Variants in ZNF726 observed in about 807,000 individuals in gnomAD.
ZNF726 encodes the protein zinc finger protein 92 pseudogene 3.
A neutral mutation model predicts 11.6 loss-of-function variants in ZNF726; 15 were observed. The observed-to-expected ratio is 1.29, with a 90% CI of 0.86 to 1.99. The LOEUF is 1.99. Among genes scored for constraint, ZNF726 ranks in the 30% most tolerant of loss-of-function variants. The pLI is 0.00. For missense variants in ZNF726, 890 were observed against 725.6 expected, an observed-to-expected ratio of 1.23 and a Z score of -2.60; for synonymous variants, 295 against 243.6, an observed-to-expected ratio of 1.21 and a Z score of -1.96.
intron 3 of ZNF726, among the ~76,000 whole-genome samples, chr19:23,940,838 T>C (rs1313884996): frequency 6.6e-6 from 1 of 152,210 alleles, no homozygotes; most frequent in Admixed American, 6.5e-5. Flanking sequence ...ACGTTAATCT[T>C]GTATCCAGAA....
Position 23,933,284 on chromosome 19 carries a change from AT to A in ZNF726, c.1170del (p.His391ThrfsTer27). On this transcript the variant is annotated frameshift_variant, in exon 4 of 4. Coordinates refer to ENST00000594466, the MANE Select transcript of ZNF726 (RefSeq NM_001244038.2). LOFTEE classifies it low-confidence loss of function (END_TRUNC). ...CTCAACCCTAACTAAACATAAGAGG[AT>A]TCACACTGGAGAGAAACCCTACAAA... ...WPSTLTKHKRIHTGEKPYKCE... is the reference protein window; with the variant it reads ...WPSTLTKHKRXHTGEKPYKCE... The A allele has an allele frequency of 3.7e-6, 6 of 1,612,118 alleles. No homozygotes were observed. The South Asian group carries it at 4.4e-5, about 12-fold the overall frequency.
chr19:23,927,743 A>G (rs1393030422), intron 3 of ZNF726: 1 of 152,160 alleles, frequency 6.6e-6, no homozygotes, highest in African/African-American at 2.4e-5. Context: ...TGGTCTCTCT[A>G]AGTGTTGGGA....
intron 3 of ZNF726, among the ~76,000 whole-genome samples, chr19:23,931,787 C>T (rs1344739505): frequency 6.6e-6 from 1 of 152,128 alleles, no homozygotes; most frequent in Non-Finnish European, 1.5e-5. Flanking sequence ...TCACTTGCTA[C>T]ACCTGTTCCT....
At chr19:23,939,918 A>C (rs535826699) in intron 3 of ZNF726, among the ~76,000 whole-genome samples, 2 of 116,708 alleles carry the variant, frequency 1.7e-5, no homozygotes, top group Non-Finnish European at 3.3e-5. Context: ...TAGATTCTGG[A>C]TATTAGTCCT....
intron 4 of ZNF726, chr19:23,944,696 AAAT>A (rs1430796244): frequency 4.9e-6 from 1 of 202,738 alleles, no homozygotes; most frequent in Non-Finnish European, 9.6e-6. Flanking sequence ...ATAATATAAT[AAAT>A]AATAATACAA....
intron 3 of ZNF726, among the ~76,000 whole-genome samples, chr19:23,931,147 T>C (rs1241993140): frequency 6.6e-6 from 1 of 152,112 alleles, no homozygotes; most frequent in East Asian, 1.9e-4. Flanking sequence ...ACTTTTTGTA[T>C]TGTTTTAGTA....
At chr19:23,934,880 T>C (rs1365228732), downstream of ZNF726, among the ~76,000 whole-genome samples, 1 of 152,250 alleles carries the variant, frequency 6.6e-6, no homozygotes, top group Non-Finnish European at 1.5e-5. Context: ...GCTTCCTTCC[T>C]TCTGGCAGGG....
At chr19:23,937,452 C>T (rs1474356494), downstream of ZNF726, among the ~76,000 whole-genome samples, 4 of 151,916 alleles carry the variant, frequency 2.6e-5, no homozygotes, top group Admixed American at 6.5e-5. Flanking sequence ...GGCAGAGGGG[C>T]TCCTCACTTC....
intron 1 of ZNF726, chr19:23,919,166 G>A: frequency 6.0e-6 from 4 of 668,772 alleles, no homozygotes; most frequent in Non-Finnish European, 9.1e-6. Flanking sequence ...ATACACTGAT[G>A]TTCTGGATAT....
chr19:23,932,503 T>A lies in ZNF726; in HGVS notation c.387T>A (p.Gly129=). The change falls in exon 4 of 4, where the codon GGT becomes GGA. Residue 129 remains glycine, a synonymous_variant. Coordinates refer to ENST00000594466, the MANE Select transcript of ZNF726 (RefSeq NM_001244038.2). ...ATGAGTGTAAGGTACACAAAGAAGG[T>A]TATAATGGACTTAACCAGTGTTTCA... The part of the protein sequence containing the change: ...SVDECKVHKE[G]YNGLNQCFTT... 1 of 1,587,234 alleles carries A rather than the reference T, an allele frequency of 6.3e-7. No individual in the cohort carries two copies. The highest frequency in any genetic ancestry group is 8.5e-7 in the Non-Finnish European group (1 of 1,171,520).
chr19:23,938,849 C>T (rs1968291316), downstream of ZNF726, among the ~76,000 whole-genome samples: 1 of 152,058 alleles, frequency 6.6e-6, no homozygotes, highest in Admixed American at 6.6e-5. Flanking sequence ...TAAGGTGATC[C>T]ACCCACATCA....
chr19:23,934,121 A>G lies in ZNF726; in HGVS notation c.*154A>G. The G allele has an allele frequency of 1.9e-6, 2 of 1,051,598 alleles. No individual in the cohort carries two copies. The highest frequency in any genetic ancestry group is 2.6e-5 in the South Asian group (2 of 76,016). The allele number at this position is 1,051,598 out of a possible 1,614,324, so 65.1% of individuals were successfully genotyped here. A position where few individuals can be genotyped will look rare whatever the true frequency, so the allele number is the denominator to read the frequency against. ...AATCTTACTAAACATTAGATAATTC[A>G]CACTGGAGAGAAACCTTACAAGTGT... On this transcript the variant is annotated 3_prime_UTR_variant, in exon 4 of 4. Coordinates refer to ENST00000594466, the MANE Select transcript of ZNF726 (RefSeq NM_001244038.2).
rs765363788 is a variant in ZNF726 at position 23,932,856 on chromosome 19, A to G, written c.740A>G (p.His247Arg). The G allele has an allele frequency of 3.7e-6, 6 of 1,608,006 alleles. No individual in the cohort carries two copies. In the East Asian group the frequency reaches 8.9e-5, roughly 24 times the overall value. Reference protein sequence around the residue: ...AFNQSSNYTTHKVTHTGEKPY... With the variant: ...AFNQSSNYTTRKVTHTGEKPY... ...AATCAATCCTCAAATTATACTACAC[A>G]TAAGGTAACTCATACTGGAGAGAAG... The change falls in exon 4 of 4, where the codon CAT becomes CGT. Residue 247 changes from histidine (H) to arginine (R), a missense_variant. By Grantham distance (29) the His-to-Arg change is conservative. Coordinates refer to ENST00000594466, the MANE Select transcript of ZNF726 (RefSeq NM_001244038.2).
chr19:23,934,207 C>A lies in ZNF726; in HGVS notation c.*240C>A. The A allele has an allele frequency of 1.3e-6, 1 of 768,930 alleles. No homozygotes were observed. The highest frequency in any genetic ancestry group is 2.3e-6 in the Non-Finnish European group (1 of 432,226). The allele number at this position is 768,930 out of a possible 1,614,324, so 47.6% of individuals were successfully genotyped here. A position where few individuals can be genotyped will look rare whatever the true frequency, so the allele number is the denominator to read the frequency against. ...CTTACTACACATAAGATAATTCATA[C>A]TGGAAATAAACCCTACAAATGTGAA... On this transcript the variant is annotated 3_prime_UTR_variant, in exon 4 of 4. Transcript: ENST00000594466.
chr19:23,943,653 G>T, intron 4 of ZNF726: 2 of 508,158 alleles, frequency 3.9e-6, no homozygotes, highest in South Asian at 3.3e-5. Flanking sequence ...AAGAATGCCA[G>T]ACTTTAAAAT....
In ZNF726 at chr19:23,914,896, G is replaced by C; in HGVS notation, c.-99G>C. The C allele has an allele frequency of 6.4e-7, 1 of 1,557,732 alleles. No individual in the cohort carries two copies. The highest frequency in any genetic ancestry group is 8.7e-7 in the Non-Finnish European group (1 of 1,143,902). ...TTTGGCGGGGCCTTTGTCTCTATCT[G>C]CGGCCGGAGCTCCAGGTCTCGTCCT... On this transcript the variant is annotated 5_prime_UTR_variant, in exon 1 of 4. Transcript: ENST00000594466.
At chr19:23,926,963 C>T (rs887931695) in intron 3 of ZNF726, among the ~76,000 whole-genome samples, 2 of 152,000 alleles carry the variant, frequency 1.3e-5, no homozygotes, top group Non-Finnish European at 2.9e-5. Flanking sequence ...TAAAAAACCC[C>T]TATTTGGATT....
intron 3 of ZNF726, among the ~76,000 whole-genome samples, chr19:23,923,128 AAAT>A (rs974797416): frequency 1.0e-3 from 157 of 152,252 alleles, no homozygotes; most frequent in African/African-American, 3.6e-3. Context: ...GCCTATAACT[AAAT>A]AACATAATTT....
rs1315812112 is a variant in ZNF726, at chr19:23,932,901, G to A, written c.785G>A (p.Cys262Tyr). ...GAGAAGCCTTACAAGTGTGAAGAATGTGGCAAAGCATTTAGCCAATCCTCA... is the reference window on the plus strand; with the variant it reads ...GAGAAGCCTTACAAGTGTGAAGAATATGGCAAAGCATTTAGCCAATCCTCA... ...TGEKPYKCEECGKAFSQSSTL... is the reference protein window; with the variant it reads ...TGEKPYKCEEYGKAFSQSSTL... Residue 262 changes from cysteine to tyrosine, a missense_variant, in exon 4 of 4, where the codon TGT becomes TAT. Coordinates refer to ENST00000594466, the MANE Select transcript of ZNF726 (RefSeq NM_001244038.2). The A allele has an allele frequency of 5.0e-6, 8 of 1,610,084 alleles. No individual in the cohort carries two copies. Among genetic ancestry groups the A allele is most frequent in the Middle Eastern group, 1.6e-4 (1 of 6,082 alleles).
Sources: gnomAD v4.1 joint callset for allele counts (sites outside exome capture counted in the v4.1 genomes callset) on GRCh38, gnomAD v4.1.1 for gene constraint, MANE v1.5 for transcripts, NCBI Gene and HGNC (gene_info 2026-07-23, HGNC 2026-07-21) for gene names.